Variants in FIZ1 observed in about 807,000 individuals in gnomAD.
The protein encoded by FIZ1 is FLT3 interacting zinc finger 1.
FIZ1 carries 2 observed loss-of-function variants against 5.3 expected under a neutral mutation model. The observed-to-expected ratio is 0.37, with a 90% CI of 0.15 to 1.18. The LOEUF is 1.18. Among genes scored for constraint, FIZ1 ranks in the 50% most tolerant of loss-of-function variants. FIZ1 has a pLI of 0.37. For synonymous variants in FIZ1, 407 were observed against 364.2 expected, an observed-to-expected ratio of 1.12 and a Z score of -1.34; for missense variants, 631 against 749.7, an observed-to-expected ratio of 0.84 and a Z score of 1.85.
At chr19:55,596,819 C>T (rs954964010) in intron 2 of FIZ1, among the ~76,000 whole-genome samples, 1 of 152,080 alleles carries the variant, frequency 6.6e-6, no homozygotes, top group Non-Finnish European at 1.5e-5. Flanking sequence ...ATTACAGGTG[C>T]ATGCCAACAC....
At chr19:55,597,349 T>C (rs979749693) in intron 2 of FIZ1, among the ~76,000 whole-genome samples, 2 of 152,124 alleles carry the variant, frequency 1.3e-5, no homozygotes, top group Non-Finnish European at 2.9e-5. Flanking sequence ...GGAAATTTAC[T>C]ATGAATGTTC....
chr19:55,597,525 T>C, intron 2 of FIZ1, 47 bp downstream of exon 2: 2 of 1,579,144 alleles, frequency 1.3e-6, no homozygotes, highest in Non-Finnish European at 1.7e-6. Flanking sequence ...GATCCCACCG[T>C]AGTCCTGACC....
chr19:55,596,848 T>C (rs549972248), intron 2 of FIZ1, among the ~76,000 whole-genome samples: 2 of 152,276 alleles, frequency 1.3e-5, no homozygotes, highest in South Asian at 4.1e-4. Flanking sequence ...AATTTTTGTA[T>C]TTTTAGTAGA....
In FIZ1 at chr19:55,593,292, C is replaced by A; in HGVS notation, c.649G>T (p.Ala217Ser). 2.4e-6 allele frequency: 3 copies of A among 1,259,484 alleles called. No individual in the cohort carries two copies. The highest frequency in any genetic ancestry group is 3.0e-6 in the Non-Finnish European group (3 of 995,232). The allele number at this position is 1,259,484 out of a possible 1,614,324, so 78.0% of individuals were successfully genotyped here. ...ACGTCGGTGTGCGCCGCCCAGTGGG[C>A]CGCCAGCTCGCGGCCGTGGTCGAAG... ...RRFDHGRELA[A>S]HWAAHTDVKP... The change falls in exon 3 of 3, where the codon GCC becomes TCC. Residue 217 changes from alanine to serine, a missense_variant. Coordinates refer to ENST00000221665, the MANE Select transcript of FIZ1 (RefSeq NM_032836.3). The surrounding 1 kb of genome is among the most constrained non-coding windows in gnomAD (Gnocchi z 6.3).
At position 55,592,788 on chromosome 19, in the gene FIZ1, C is replaced by A. The variant is rs779770224; in HGVS notation, c.1153G>T (p.Gly385Cys). Residue 385 changes from glycine to cysteine, a missense_variant, in exon 3 of 3, where the codon GGC becomes TGC. Physicochemically the swap from Gly to Cys is radical, Grantham distance 159 (BLOSUM62 -3). This residue lies in a region of FIZ1 where 463 missense variants were observed against 455.1 expected (regional missense o/e 1.02). Transcript: ENST00000221665. This position sits in a 1 kb window ranked among gnomAD's most constrained non-coding sequence, Gnocchi z 6.9. ...GCGGCGGTCGCCGCCTCCTCCCCGC[C>A]GCCCTCACCGTGGCTGACCCGCCGG... ...EHRRVSHGEG[G>C]GEEAATAARE... The A allele has an allele frequency of 6.3e-7, 1 of 1,594,322 alleles. No homozygotes were observed. The highest frequency in any genetic ancestry group is 8.5e-7 in the Non-Finnish European group (1 of 1,174,478).
chr19:55,597,369 G>A (rs35088354), intron 2 of FIZ1, among the ~76,000 whole-genome samples: 23,205 of 152,220 alleles, frequency 0.15, 1,797 homozygotes, highest in Admixed American at 0.19. Flanking sequence ...CCAGTTCGTG[G>A]GTTGCTGGTG....
rs1980188537 is a variant in FIZ1, at chr19:55,593,978, C to A, written c.295-332G>T. Among the ~76,000 whole-genome samples, 1 of 152,102 alleles carries A rather than the reference C, an allele frequency of 6.6e-6. No individual in the cohort carries two copies. ...TTAAAAACTAGCTGGACACGGCACACTCCTGTGGTCCCAGCTACCTGGGAG... is the reference window on the plus strand; with the variant it reads ...TTAAAAACTAGCTGGACACGGCACAATCCTGTGGTCCCAGCTACCTGGGAG... On this transcript the variant is annotated intron_variant, in intron 2 of 2. Transcript: ENST00000221665. The surrounding 1 kb of genome is among the most constrained non-coding windows in gnomAD (Gnocchi z 6.3).
Position 55,597,612 on chromosome 19 carries a change from G to C in FIZ1, c.254C>G (p.Pro85Arg). Residue 85 changes from proline to arginine, a missense_variant, in exon 2 of 3, where the codon CCC becomes CGC. Physicochemically the swap from Pro to Arg is moderately radical, Grantham distance 103. Coordinates refer to ENST00000221665, the MANE Select transcript of FIZ1 (RefSeq NM_032836.3). ...GCCGGTGGAGTCGCGGAACCCCTTG[G>C]GGCAGGCAGAGCAGCGGTAGGGCCG... is the stretch of plus-strand genomic sequence containing the variant. ...GERPYRCSAC[P>R]KGFRDSTGLL... The C allele has an allele frequency of 6.2e-7, 1 of 1,613,250 alleles. No homozygotes were observed. The highest frequency in any genetic ancestry group is 8.5e-7 in the Non-Finnish European group (1 of 1,179,814).
At chr19:55,594,553 C>T (rs569833642) in intron 2 of FIZ1, among the ~76,000 whole-genome samples, 3 of 150,326 alleles carry the variant, frequency 2.0e-5, no homozygotes, top group African/African-American at 4.9e-5. Context: ...AAAAATTAGC[C>T]GGGCGTGGTG....
chr19:55,593,537 G>A lies in FIZ1; in HGVS notation c.404C>T (p.Pro135Leu), dbSNP rs982710039. 1.3e-6 allele frequency: 2 copies of A among 1,550,784 alleles called. No homozygotes were observed. Among genetic ancestry groups the A allele is most frequent in the Non-Finnish European group, 1.7e-6 (2 of 1,146,896 alleles). The change falls in exon 3 of 3, where the codon CCC becomes CTC. Residue 135 changes from proline (P) to leucine (L), a missense_variant. Around this residue, in one of 4 missense-constraint regions of FIZ1, gnomAD observed 463 missense variants for 455.1 expected, o/e 1.02. Coordinates refer to ENST00000221665, the MANE Select transcript of FIZ1 (RefSeq NM_032836.3). This position sits in a 1 kb window ranked among gnomAD's most constrained non-coding sequence, Gnocchi z 6.3. ...GCCAGGGCCGGGCTGCAGGGGAGAG[G>A]GGAGAACCCCACGGTGCTGGCGCTT... Reference protein sequence around the residue: ...HLKRQHRGVLPSPLQPGPGLP... With the variant: ...HLKRQHRGVLLSPLQPGPGLP...
chr19:55,597,938 G>C (rs1015437816), intron 1 of FIZ1, 37 bp from the exon 2 acceptor site: 1 of 1,484,332 alleles, frequency 6.7e-7, no homozygotes, highest in African/African-American at 1.4e-5. Flanking sequence ...AGGTGAGGGG[G>C]TCGGCTCCCC....
chr19:55,593,123 G>C lies in FIZ1; in HGVS notation c.818C>G (p.Thr273Arg). Residue 273 changes from threonine (T) to arginine (R), a missense_variant, in exon 3 of 3, where the codon ACG becomes AGG. Coordinates refer to ENST00000221665, the MANE Select transcript of FIZ1 (RefSeq NM_032836.3). The surrounding 1 kb of genome is among the most constrained non-coding windows in gnomAD (Gnocchi z 6.3). ...WAAGPGAGPE[T>R]AGEGTAAEAG... The stretch of plus-strand genomic sequence containing the variant: ...CTCCGCAGCGGTGCCTTCGCCCGCC[G>C]TCTCGGGCCCTGCGCCTGGCCCCGC... 2.4e-6 allele frequency: 3 copies of C among 1,255,680 alleles called. No homozygotes were observed. Among genetic ancestry groups the C allele is most frequent in the Non-Finnish European group, 3.0e-6 (3 of 997,462 alleles). The allele number at this position is 1,255,680 out of a possible 1,614,324, so 77.8% of individuals were successfully genotyped here.
In FIZ1 at chr19:55,593,455, C is replaced by T; in HGVS notation, c.486G>A (p.Val162=). The change falls in exon 3 of 3, where the codon GTG becomes GTA. Residue 162 remains valine (V), a synonymous_variant. Coordinates refer to ENST00000221665, the MANE Select transcript of FIZ1 (RefSeq NM_032836.3). This position sits in a 1 kb window ranked among gnomAD's most constrained non-coding sequence, Gnocchi z 6.3. ...CGCCGCCGGCCCCTGAGCCCCCGCA[C>T]ACCGAGCAGGGCCCCACATTGCAGC... ...SVCCNVGPCS[V]CGGSGAGGGE... is the part of the protein sequence containing the mutation. 1 of 1,545,196 alleles carries T rather than the reference C, an allele frequency of 6.5e-7. No individual in the cohort carries two copies. Among genetic ancestry groups the T allele is most frequent in the Non-Finnish European group, 8.7e-7 (1 of 1,145,606 alleles).
At chr19:55,594,172 T>C (rs1018894126) in intron 2 of FIZ1, among the ~76,000 whole-genome samples, 3 of 148,728 alleles carry the variant, frequency 2.0e-5, no homozygotes, top group African/African-American at 7.5e-5. Flanking sequence ...GTGGATCATT[T>C]GAGGTCAAGA....
rs1212408913 is a variant in FIZ1, at chr19:55,593,648, T to G, written c.295-2A>C. 6.4e-7 allele frequency: 1 copy of G among 1,551,062 alleles called. No homozygotes were observed. Among genetic ancestry groups the G allele is most frequent in the Admixed American group, 2.0e-5 (1 of 51,002 alleles). On this transcript the variant is annotated splice_acceptor_variant, in intron 2 of 2. Coordinates refer to ENST00000221665, the MANE Select transcript of FIZ1 (RefSeq NM_032836.3). LOFTEE classifies it high-confidence loss of function. The surrounding 1 kb of genome is among the most constrained non-coding windows in gnomAD (Gnocchi z 6.3). ...GGGTTTCTCACCAGTGTGGACGACC[T>G]AGGGGTGCGGGAGGAAGGGCACAAC...
intron 2 of FIZ1, among the ~76,000 whole-genome samples, chr19:55,594,426 G>A (rs568654654): frequency 4.1e-5 from 6 of 147,128 alleles, no homozygotes; most frequent in East Asian, 2.0e-4. Flanking sequence ...GCCCGGGTGC[G>A]GTGGCTCACG....
Position 55,597,882 on chromosome 19 carries a change from GTGGTA to G in FIZ1, c.-22_-18del. ...GTCATCCATGGTGGCGGGGAATACA[GTGGTA>G]TGTGGGGGCTCTCTCTGGAGTAGTG... On this transcript the variant is annotated 5_prime_UTR_variant, in exon 2 of 3. Coordinates refer to ENST00000221665, the MANE Select transcript of FIZ1 (RefSeq NM_032836.3). 6.4e-7 allele frequency: 1 copy of G among 1,561,304 alleles called. No homozygotes were observed. The highest frequency in any genetic ancestry group is 2.4e-5 in the East Asian group (1 of 42,164).
chr19:55,593,252 C>G lies in FIZ1; in HGVS notation c.689G>C (p.Cys230Ser). ...GTTGAAGTCGCGCTCGCAGCGCGGGCACTTGAAGGGCTTCACGTCGGTGTG... is the reference window on the plus strand; with the variant it reads ...GTTGAAGTCGCGCTCGCAGCGCGGGGACTTGAAGGGCTTCACGTCGGTGTG... ...AAHTDVKPFK[C>S]PRCERDFNAP... Residue 230 changes from cysteine (C) to serine (S), a missense_variant, in exon 3 of 3, where the codon TGC becomes TCC. By Grantham distance (112) the Cys-to-Ser change is moderately radical. Transcript: ENST00000221665. The surrounding 1 kb of genome is among the most constrained non-coding windows in gnomAD (Gnocchi z 6.3). 1 of 1,269,340 alleles carries G rather than the reference C, an allele frequency of 7.9e-7. No homozygotes were observed. Among genetic ancestry groups the G allele is most frequent in the Non-Finnish European group, 1.0e-6 (1 of 998,978 alleles). 78.6% of individuals were successfully genotyped at this position (1,269,340 alleles called of 1,614,324 possible). A position where few individuals can be genotyped will look rare whatever the true frequency, so the allele number is the denominator to read the frequency against.
chr19:55,597,295 G>T (rs1033602550), intron 2 of FIZ1, among the ~76,000 whole-genome samples: 1 of 152,168 alleles, frequency 6.6e-6, no homozygotes, highest in Non-Finnish European at 1.5e-5. Context: ...GCGTGCACGC[G>T]GGGTATTGGC....
Sources: gnomAD v4.1 joint callset for allele counts (sites outside exome capture counted in the v4.1 genomes callset) on GRCh38, gnomAD v4.1.1 for gene constraint, gnomAD v4.1.1 regional missense constraint, Gnocchi (gnomAD v3.1) non-coding constraint, MANE v1.5 for transcripts, NCBI Gene and HGNC (gene_info 2026-07-23, HGNC 2026-07-21) for gene names.